The following SUCLG2 variants were observed in gnomAD, a reference collection of about 807,000 sequenced individuals.
SUCLG2 encodes succinate-CoA ligase GDP-forming subunit beta.
A neutral mutation model predicts 47.9 loss-of-function variants in SUCLG2; 42 were observed. The ratio of observed to expected loss-of-function variants is 0.88; its 90% CI spans 0.69 to 1.14. The LOEUF is 1.14. SUCLG2 is among the 50% of genes most tolerant of loss of function. The probability of loss-of-function intolerance (pLI) is 0.00; values close to 1 mark genes in which losing one functional copy is unlikely to be tolerated. For missense variants in SUCLG2, 571 were observed against 525.9 expected, an observed-to-expected ratio of 1.09 and a Z score of -0.84; for synonymous variants, 195 against 197.3, an observed-to-expected ratio of 0.99 and a Z score of 0.10.
chr3:67,597,091 T>C (rs1424537334), intron 2 of SUCLG2, among the ~76,000 whole-genome samples: 1 of 152,196 alleles, frequency 6.6e-6, no homozygotes, highest in Non-Finnish European at 1.5e-5. Context: ...AGGAGATTCA[T>C]TCCTGGTAAT....
chr3:67,471,572 G>T (rs752362553), intron 9 of SUCLG2, among the ~76,000 whole-genome samples: 1 of 152,046 alleles, frequency 6.6e-6, no homozygotes, highest in African/African-American at 2.4e-5. Context: ...CTCCAGAAAC[G>T]GCTAAAACTG....
At chr3:67,405,978 A>G (rs988365283) in intron 9 of SUCLG2, among the ~76,000 whole-genome samples, 1 of 152,184 alleles carries the variant, frequency 6.6e-6, no homozygotes, top group African/African-American at 2.4e-5. Flanking sequence ...ATCTACTGTC[A>G]AATATCCTTC....
intron 9 of SUCLG2, among the ~76,000 whole-genome samples, chr3:67,404,335 G>GGAGA (rs138202963): frequency 4.0e-4 from 60 of 149,344 alleles, no homozygotes; most frequent in Non-Finnish European, 5.5e-4. Flanking sequence ...AGAGAGCATG[G>GGAGA]GAGAGAGAGA....
At chr3:67,367,376 G>A (rs1039532258) in intron 10 of SUCLG2, among the ~76,000 whole-genome samples, 6 of 152,062 alleles carry the variant, frequency 3.9e-5, no homozygotes, top group African/African-American at 1.4e-4. Context: ...ATTAGTTCAA[G>A]ATCTCAGAGA....
intron 1 of SUCLG2, among the ~76,000 whole-genome samples, chr3:67,613,594 C>A (rs757890842): frequency 6.6e-6 from 1 of 152,140 alleles, no homozygotes; most frequent in Non-Finnish European, 1.5e-5. Context: ...TAAGGATGGA[C>A]ATATACCAAG....
intron 4 of SUCLG2, among the ~76,000 whole-genome samples, chr3:67,523,606 A>G (rs988778520): frequency 4.6e-5 from 7 of 152,224 alleles, no homozygotes; most frequent in African/African-American, 1.7e-4. Flanking sequence ...TATAGAAATA[A>G]CATAAAGTCT....
At chr3:67,434,295 G>A (rs1015615133) in intron 9 of SUCLG2, among the ~76,000 whole-genome samples, 2 of 152,182 alleles carry the variant, frequency 1.3e-5, no homozygotes, top group Admixed American at 1.3e-4. Context: ...TGAGGCCAAG[G>A]CGAGAGGATC....
intron 9 of SUCLG2, among the ~76,000 whole-genome samples, chr3:67,428,144 C>A (rs2106876251): frequency 6.6e-6 from 1 of 152,322 alleles, no homozygotes; most frequent in Admixed American, 6.5e-5. Context: ...AGACTGCCTC[C>A]TCAAGTGGGT....
At chr3:67,570,040 T>C (rs1285699200) in intron 2 of SUCLG2, among the ~76,000 whole-genome samples, 1 of 152,044 alleles carries the variant, frequency 6.6e-6, no homozygotes, top group African/African-American at 2.4e-5. Context: ...AGGGACCTAA[T>C]CCAATACGAT....
At chr3:67,582,901 A>G (rs1015826910) in intron 2 of SUCLG2, among the ~76,000 whole-genome samples, 9 of 152,036 alleles carry the variant, frequency 5.9e-5, no homozygotes, top group Non-Finnish European at 1.0e-4. Context: ...ACATCACACG[A>G]TAATTCTCCC....
chr3:67,499,748 C>G (rs889192325), intron 7 of SUCLG2, among the ~76,000 whole-genome samples: 1 of 149,490 alleles, frequency 6.7e-6, no homozygotes, highest in Non-Finnish European at 1.5e-5. Flanking sequence ...TTATTTATTT[C>G]GGAGACAGAG....
chr3:67,519,057 G>C (rs1172237493), intron 5 of SUCLG2, among the ~76,000 whole-genome samples: 1 of 151,878 alleles, frequency 6.6e-6, no homozygotes, highest in Admixed American at 6.6e-5. Context: ...TTTGTTATAA[G>C]GTTGAGAAAA....
intron 2 of SUCLG2, among the ~76,000 whole-genome samples, chr3:67,572,525 A>G (rs892942802): frequency 3.9e-5 from 6 of 152,222 alleles, no homozygotes; most frequent in African/African-American, 1.2e-4. Context: ...CAATTGTTCA[A>G]CAAAAGAACT....
intron 10 of SUCLG2, among the ~76,000 whole-genome samples, chr3:67,397,261 T>C (rs1009867229): frequency 8.5e-5 from 13 of 152,238 alleles, no homozygotes; most frequent in African/African-American, 2.7e-4. Context: ...CATGACTGTA[T>C]ATCTAGAAAA....
chr3:67,396,503 C>T (rs1181124542), intron 10 of SUCLG2, among the ~76,000 whole-genome samples: 3 of 152,132 alleles, frequency 2.0e-5, no homozygotes, highest in Non-Finnish European at 4.4e-5. Flanking sequence ...AGACCAATAA[C>T]AGGCTCTGAA....
intron 9 of SUCLG2, among the ~76,000 whole-genome samples, chr3:67,452,802 T>C (rs1367776466): frequency 6.6e-6 from 1 of 152,246 alleles, no homozygotes; most frequent in Non-Finnish European, 1.5e-5. Flanking sequence ...CAGGACCGCA[T>C]TTCTAAATTA....
At chr3:67,554,062 G>A (rs1269802939) in intron 2 of SUCLG2, among the ~76,000 whole-genome samples, 1 of 152,094 alleles carries the variant, frequency 6.6e-6, no homozygotes, top group African/African-American at 2.4e-5. Context: ...CAACTCTAAG[G>A]AGCTGGGGTA....
chr3:67,488,343 C>T (rs1207379747), intron 9 of SUCLG2, among the ~76,000 whole-genome samples: 1 of 152,030 alleles, frequency 6.6e-6, no homozygotes, highest in African/African-American at 2.4e-5. Context: ...TTTCCTAATT[C>T]CTAATTCTCT....
At chr3:67,551,031 C>A (rs971663822) in intron 2 of SUCLG2, among the ~76,000 whole-genome samples, 4 of 152,050 alleles carry the variant, frequency 2.6e-5, no homozygotes, top group African/African-American at 9.7e-5. Context: ...GCCTATTGGG[C>A]AAAATAATTT....
Sources: gnomAD v4.1 joint callset for allele counts (sites outside exome capture counted in the v4.1 genomes callset) on GRCh38, gnomAD v4.1.1 for gene constraint, MANE v1.5 for transcripts, NCBI Gene and HGNC (gene_info 2026-07-23, HGNC 2026-07-21) for gene names.